The following OSBPL10 variants were observed in gnomAD, a reference collection of about 807,000 sequenced individuals.
The protein encoded by OSBPL10 is oxysterol binding protein like 10, also known as oxysterol-binding protein-related protein 10.
A neutral mutation model predicts 81.7 loss-of-function variants in OSBPL10; 49 were observed. The ratio of observed to expected loss-of-function variants is 0.60; its 90% CI spans 0.48 to 0.76. The LOEUF (loss-of-function observed/expected upper bound fraction) is 0.76, where lower values mean the gene tolerates loss of function less well. Ranked by LOEUF, OSBPL10 falls within the 30% of genes least tolerant of loss-of-function variation. OSBPL10 has a pLI of 0.00. For synonymous variants in OSBPL10, 419 were observed against 383.6 expected, an observed-to-expected ratio of 1.09 and a Z score of -1.08; for missense variants, 923 against 987.8, an observed-to-expected ratio of 0.93 and a Z score of 0.88.
intron 7 of OSBPL10, among the ~76,000 whole-genome samples, chr3:31,687,613 C>G (rs1343274321): frequency 6.6e-6 from 1 of 152,146 alleles, no homozygotes; most frequent in Non-Finnish European, 1.5e-5. Context: ...ACCCAGTGGC[C>G]GAGCCAGCAG....
intron 3 of OSBPL10, among the ~76,000 whole-genome samples, chr3:31,864,688 C>G (rs1485086470): frequency 1.3e-5 from 2 of 152,052 alleles, no homozygotes; most frequent in African/African-American, 4.8e-5. Context: ...GTCTAGAACA[C>G]TGACTGAATG....
At chr3:31,991,863 TAAA>T (rs34418500) in intron 2 of OSBPL10, among the ~76,000 whole-genome samples, 120 of 146,184 alleles carry the variant, frequency 8.2e-4, no homozygotes, top group African/African-American at 2.8e-3. Context: ...CAAGACAGGC[TAAA>T]AAAAAAAAAA....
intron 1 of OSBPL10, among the ~76,000 whole-genome samples, chr3:31,967,801 T>A (rs1228042397): frequency 1.3e-5 from 2 of 152,216 alleles, no homozygotes; most frequent in South Asian, 2.1e-4. Flanking sequence ...ACAATCATTT[T>A]TATCACACCT....
intron 2 of OSBPL10, among the ~76,000 whole-genome samples, chr3:32,039,766 T>C (rs1699554207): frequency 6.6e-6 from 1 of 152,200 alleles, no homozygotes; most frequent in South Asian, 2.1e-4. Context: ...GTTTGTGTTA[T>C]GTATTCTATA....
At chr3:32,073,489 A>T (rs561772194) in intron 1 of OSBPL10, among the ~76,000 whole-genome samples, 1 of 152,220 alleles carries the variant, frequency 6.6e-6, no homozygotes, top group East Asian at 1.9e-4. Flanking sequence ...AGACAGCCTG[A>T]TATCTTCTCT....
chr3:31,787,636 G>A (rs1268412608), intron 4 of OSBPL10, among the ~76,000 whole-genome samples: 5 of 150,450 alleles, frequency 3.3e-5, no homozygotes, highest in Non-Finnish European at 5.9e-5. Flanking sequence ...TAATCAATAT[G>A]TCCTTTGGGA....
At chr3:32,058,919 G>A (rs145472822) in intron 1 of OSBPL10, among the ~76,000 whole-genome samples, 4 of 152,256 alleles carry the variant, frequency 2.6e-5, no homozygotes, top group African/African-American at 9.6e-5. Context: ...GAAATCCTGG[G>A]CTCAAGGGAT....
upstream of OSBPL10, chr3:31,981,321 A>T: frequency 1.6e-6 from 2 of 1,248,100 alleles, no homozygotes; most frequent in Non-Finnish European, 2.0e-6. The surrounding 1 kb of genome is among the most constrained non-coding windows in gnomAD (Gnocchi z 4.5). Flanking sequence ...ATACAGGAGG[A>T]AGAGGAGGAG....
At chr3:31,696,097 C>T (rs915384257) in intron 7 of OSBPL10, among the ~76,000 whole-genome samples, 6 of 152,306 alleles carry the variant, frequency 3.9e-5, no homozygotes, top group Middle Eastern at 3.4e-3. Flanking sequence ...GGCTCAGAGC[C>T]ATGTGGTTAA....
intron 1 of OSBPL10, among the ~76,000 whole-genome samples, chr3:32,071,144 G>C (rs1444177128): frequency 1.3e-5 from 2 of 152,098 alleles, no homozygotes; most frequent in African/African-American, 4.8e-5. Flanking sequence ...CCCCTCCAAA[G>C]CTCAAATTTC....
intron 5 of OSBPL10, among the ~76,000 whole-genome samples, chr3:31,738,203 A>C (rs962947574): frequency 6.6e-6 from 1 of 152,078 alleles, no homozygotes; most frequent in Non-Finnish European, 1.5e-5. Flanking sequence ...AAAAAAATGC[A>C]CATCTAGATG....
chr3:31,927,477 G>A (rs779730414), intron 1 of OSBPL10, among the ~76,000 whole-genome samples: 9 of 152,134 alleles, frequency 5.9e-5, no homozygotes, highest in East Asian at 1.9e-4. Flanking sequence ...ACTCAAAAAC[G>A]GATCACACAC....
At chr3:31,785,112 C>T (rs948447948) in intron 4 of OSBPL10, among the ~76,000 whole-genome samples, 4 of 151,772 alleles carry the variant, frequency 2.6e-5, no homozygotes, top group Admixed American at 6.6e-5. Flanking sequence ...CTTGAACTTC[C>T]GGCCTCAAGT....
chr3:31,995,631 T>G (rs1699083862), intron 2 of OSBPL10, among the ~76,000 whole-genome samples: 1 of 152,190 alleles, frequency 6.6e-6, no homozygotes, highest in Non-Finnish European at 1.5e-5. Context: ...TTAGGTGATG[T>G]ACATCCTCAG....
chr3:31,975,847 A>T (rs559963274), intron 1 of OSBPL10, among the ~76,000 whole-genome samples: 1 of 152,284 alleles, frequency 6.6e-6, no homozygotes, highest in Admixed American at 6.5e-5. Flanking sequence ...TGTATACCAG[A>T]CCCTGTTCTC....
intron 3 of OSBPL10, among the ~76,000 whole-genome samples, chr3:31,843,611 T>C (rs143942140): frequency 0.012 from 1,799 of 152,298 alleles, 20 homozygotes; most frequent in Non-Finnish European, 0.017. Flanking sequence ...TAATCTGACA[T>C]CTCTGATCAT....
At position 31,933,358 on chromosome 3, in the gene OSBPL10, T is replaced by C. The variant is rs368434316; in HGVS notation, c.281+47541A>G. ...ACTTTAACATTCTGATTTTATATTCTAGAGATTTGAAGTATACTTTAAATG... is the reference window on the plus strand; with the variant it reads ...ACTTTAACATTCTGATTTTATATTCCAGAGATTTGAAGTATACTTTAAATG... On this transcript the variant is annotated intron_variant, in intron 1 of 11. Coordinates refer to ENST00000396556, the MANE Select transcript of OSBPL10 (RefSeq NM_017784.5). Among the ~76,000 whole-genome samples, 13 of 152,296 alleles carry C rather than the reference T, an allele frequency of 8.5e-5. No homozygotes were observed. The East Asian group carries it at 2.1e-3, about 25-fold the overall frequency.
At chr3:31,968,043 ATAAG>A (rs1457181120) in intron 1 of OSBPL10, among the ~76,000 whole-genome samples, 1 of 152,248 alleles carries the variant, frequency 6.6e-6, no homozygotes, top group Non-Finnish European at 1.5e-5. Flanking sequence ...AATAATACAA[ATAAG>A]TATTTACTAT....
intron 4 of OSBPL10, among the ~76,000 whole-genome samples, chr3:31,766,043 C>A (rs935925406): frequency 6.9e-6 from 1 of 144,266 alleles, no homozygotes; most frequent in African/African-American, 2.9e-5. Context: ...ACCTTTCTCT[C>A]CTCTTCTTGC....
Sources: gnomAD v4.1 joint callset for allele counts (sites outside exome capture counted in the v4.1 genomes callset) on GRCh38, gnomAD v4.1.1 for gene constraint, Gnocchi (gnomAD v3.1) non-coding constraint, MANE v1.5 for transcripts, NCBI Gene and HGNC (gene_info 2026-07-23, HGNC 2026-07-21) for gene names.